NRXN1: variants seen among roughly 807,000 people sequenced by gnomAD.
The protein encoded by NRXN1 is neurexin-1.
Under a neutral mutation model 150.9 loss-of-function variants are expected in NRXN1, and 39 were observed. That is an observed-to-expected ratio of 0.26 (90% CI 0.20 to 0.34). The LOEUF is 0.34. Ranked by LOEUF, NRXN1 falls within the 10% of genes least tolerant of loss-of-function variation. The pLI is 1.00. For synonymous variants in NRXN1, 924 were observed against 757.0 expected (o/e 1.22, Z -3.62); for missense variants, 1,815 against 1,949.9 (o/e 0.93, Z 1.30).
chr2:50,380,274 ATATG>A (rs2080854047), intron 17 of NRXN1, among the ~76,000 whole-genome samples: 7 of 141,496 alleles, frequency 4.9e-5, no homozygotes, highest in African/African-American at 8.8e-5. Flanking sequence ...AAATGACCAC[ATATG>A]TGTGTGTGTG....
intron 18 of NRXN1, among the ~76,000 whole-genome samples, chr2:50,198,962 A>G (rs1361401742): frequency 3.3e-5 from 5 of 152,194 alleles, no homozygotes; most frequent in Non-Finnish European, 1.5e-5. Context: ...ACTCCCCAGT[A>G]GCTGCCCAAG....
intron 17 of NRXN1, among the ~76,000 whole-genome samples, chr2:50,456,407 T>C (rs914089949): frequency 2.0e-5 from 3 of 152,252 alleles, no homozygotes; most frequent in Admixed American, 6.5e-5. Context: ...TTGTGCTTTA[T>C]GCTGCTATAG....
intron 17 of NRXN1, among the ~76,000 whole-genome samples, chr2:50,270,652 T>C (rs575407188): frequency 8.0e-5 from 12 of 150,814 alleles, no homozygotes; most frequent in African/African-American, 2.5e-4. Context: ...TATATTTATA[T>C]GTAAAATGCA....
intron 18 of NRXN1, among the ~76,000 whole-genome samples, chr2:50,139,492 A>G (rs1706939050): frequency 6.6e-6 from 1 of 152,176 alleles, no homozygotes; most frequent in South Asian, 2.1e-4. Context: ...TTGCTAGATA[A>G]AGTTAGGGCA....
intron 5 of NRXN1, among the ~76,000 whole-genome samples, chr2:50,680,210 C>G (rs1054490169): frequency 1.3e-5 from 2 of 152,098 alleles, no homozygotes; most frequent in African/African-American, 4.8e-5. Context: ...ATACAGATCA[C>G]TCACTGAATA....
intron 5 of NRXN1, among the ~76,000 whole-genome samples, chr2:50,875,388 G>C (rs1331454269): frequency 1.3e-5 from 2 of 151,598 alleles, no homozygotes; most frequent in Non-Finnish European, 2.9e-5. Flanking sequence ...CCAACCATGA[G>C]ACAATCCATC....
At chr2:49,954,548 C>A (rs1674589321) in intron 21 of NRXN1, among the ~76,000 whole-genome samples, 1 of 151,836 alleles carries the variant, frequency 6.6e-6, no homozygotes, top group South Asian at 2.1e-4. Context: ...ACTTAGCAAA[C>A]AATGCTAATT....
chr2:50,483,763 C>T (rs1356270991), intron 15 of NRXN1, among the ~76,000 whole-genome samples: 1 of 152,176 alleles, frequency 6.6e-6, no homozygotes, highest in Non-Finnish European at 1.5e-5. Flanking sequence ...TAAAACCCTT[C>T]TCAATGACAG....
At chr2:51,022,240 C>A (rs759218630) in intron 2 of NRXN1, among the ~76,000 whole-genome samples, 1 of 152,070 alleles carries the variant, frequency 6.6e-6, no homozygotes, top group African/African-American at 2.4e-5. Context: ...AGGCACTAAT[C>A]TAAGAGATTC....
At chr2:50,674,645 G>C (rs1174196203) in intron 5 of NRXN1, among the ~76,000 whole-genome samples, 1 of 151,948 alleles carries the variant, frequency 6.6e-6, no homozygotes, top group Non-Finnish European at 1.5e-5. Flanking sequence ...AGAGTGTTTG[G>C]GAGTAGAAAG....
chr2:50,937,952 C>T lies in NRXN1; in HGVS notation c.773-11997G>A, dbSNP rs143919075. Among the ~76,000 whole-genome samples, 317 of 152,236 alleles carry T rather than the reference C, an allele frequency of 2.1e-3. 1 individual carries two copies. Among genetic ancestry groups the T allele is most frequent in the Admixed American group, 4.3e-3 (65 of 15,280 alleles). ...TACACACCTAGGCTATCTGGTATAG[C>T]TTATTGCTTCTAGGCTATCAACCCA... On this transcript the variant is annotated intron_variant, in intron 2 of 22. Transcript: ENST00000401669.
intron 15 of NRXN1, among the ~76,000 whole-genome samples, chr2:50,492,276 T>C (rs1461485718): frequency 2.0e-5 from 3 of 152,212 alleles, no homozygotes; most frequent in Non-Finnish European, 2.9e-5. Context: ...GAAATAAAGA[T>C]GAAAGCAAAA....
intron 5 of NRXN1, chr2:50,829,651 G>C (rs1385027085): frequency 1.9e-6 from 3 of 1,611,668 alleles, no homozygotes; most frequent in Admixed American, 3.3e-5. Context: ...AGGTTGGTAC[G>C]GGACGGCATC....
chr2:50,022,371 T>C (rs898055298), intron 21 of NRXN1, among the ~76,000 whole-genome samples: 1 of 152,230 alleles, frequency 6.6e-6, no homozygotes, highest in African/African-American at 2.4e-5. Context: ...AGGTGATACC[T>C]TAGTACTTTC....
chr2:50,134,575 A>G (rs1706090692), intron 18 of NRXN1, among the ~76,000 whole-genome samples: 1 of 152,170 alleles, frequency 6.6e-6, no homozygotes, highest in African/African-American at 2.4e-5. Context: ...AAAAGAACCG[A>G]TCACAGAAGC....
At chr2:50,495,815 G>T in intron 15 of NRXN1, 90 bp downstream of exon 15, 1 of 1,104,486 alleles carries the variant, frequency 9.1e-7, no homozygotes, top group Non-Finnish European at 1.3e-6. Flanking sequence ...CTTTGCAGAA[G>T]GTACAAACAC....
At chr2:50,595,674 C>T (rs1003626534) in intron 8 of NRXN1, among the ~76,000 whole-genome samples, 2 of 152,136 alleles carry the variant, frequency 1.3e-5, no homozygotes, top group African/African-American at 4.8e-5. Flanking sequence ...ATTGGAAGGG[C>T]TGCCTCAGAA....
intron 2 of NRXN1, among the ~76,000 whole-genome samples, chr2:51,007,840 G>A (rs1034751631): frequency 6.6e-6 from 1 of 151,658 alleles, no homozygotes; most frequent in Admixed American, 6.6e-5. Flanking sequence ...TTCATCTTAG[G>A]TATATTGTTT....
intron 18 of NRXN1, among the ~76,000 whole-genome samples, chr2:50,202,079 C>T (rs2062208852): frequency 6.6e-6 from 1 of 152,156 alleles, no homozygotes; most frequent in Non-Finnish European, 1.5e-5. Flanking sequence ...GGGGGAAACA[C>T]ATTTGTTCAC....
Sources: gnomAD v4.1 joint callset for allele counts (sites outside exome capture counted in the v4.1 genomes callset) on GRCh38, gnomAD v4.1.1 for gene constraint, MANE v1.5 for transcripts, NCBI Gene and HGNC (gene_info 2026-07-23, HGNC 2026-07-21) for gene names.